Variants in PAPPA observed in about 807,000 individuals in gnomAD.
The protein encoded by PAPPA is pappalysin 1.
In PAPPA, 60 loss-of-function variants were observed where a neutral mutation model predicts 164.0. The observed-to-expected ratio is 0.37, with a 90% CI of 0.30 to 0.45. The LOEUF is 0.45. PAPPA is among the 20% of genes least tolerant of loss of function. PAPPA has a pLI of 1.00. For synonymous variants in PAPPA, 875 were observed against 814.1 expected (o/e 1.07, Z -1.27); for missense variants, 1,782 against 2,087.3 (o/e 0.85, Z 2.85).
chr9:116,211,693 T>C lies in PAPPA; in HGVS notation c.1679T>C (p.Met560Thr). ...FYGMPGHTHT[M>T]IHEIGHSLGL... Reference sequence around the variant, plus strand: ...GGCATGCCTGGGCACACCCACACCATGATCCATGAGATTGGTCACAGCCTG... The same window carrying C: ...GGCATGCCTGGGCACACCCACACCACGATCCATGAGATTGGTCACAGCCTG... The change falls in exon 4 of 22, where the codon ATG becomes ACG. Residue 560 changes from methionine (M) to threonine (T), a missense_variant. This residue lies in a region of PAPPA where 1,324 missense variants were observed against 1,656.9 expected (regional missense o/e 0.80). Coordinates refer to ENST00000328252, the MANE Select transcript of PAPPA (RefSeq NM_002581.5). 6.2e-7 allele frequency: 1 copy of C among 1,614,138 alleles called. No individual in the cohort carries two copies. The highest frequency in any genetic ancestry group is 8.5e-7 in the Non-Finnish European group (1 of 1,179,998).
rs1846519212 is a variant in PAPPA at position 116,367,655 on chromosome 9, T to C, written c.4506T>C (p.Cys1502=). The change falls in exon 19 of 22, where the codon TGT becomes TGC. Residue 1502 remains cysteine, a synonymous_variant. Transcript: ENST00000328252. The part of the protein sequence containing the change: ...CPDGYAIGSE[C]ATSCLDHNSE... The stretch of plus-strand genomic sequence containing the variant: ...CTGTACTTCCCTCAGGGTCGGAGTG[T>C]GCCACCTCGTGCCTGGACCACAACA... The C allele has an allele frequency of 6.2e-7, 1 of 1,613,574 alleles. No homozygotes were observed. Among genetic ancestry groups the C allele is most frequent in the Non-Finnish European group, 8.5e-7 (1 of 1,179,670 alleles).
At position 116,187,283 on chromosome 9, in the gene PAPPA, T is replaced by C. The variant is rs780916905; in HGVS notation, c.545T>C (p.Val182Ala). Residue 182 changes from valine (V) to alanine (A), a missense_variant, in exon 2 of 22, where the codon GTG (valine) becomes GCG (alanine). Physicochemically the swap from Val to Ala is moderately conservative, Grantham distance 64 (BLOSUM62 0). Around this residue, in one of 2 missense-constraint regions of PAPPA, gnomAD observed 458 missense variants for 430.3 expected, o/e 1.06. Coordinates refer to ENST00000328252, the MANE Select transcript of PAPPA (RefSeq NM_002581.5). This position sits in a 1 kb window ranked among gnomAD's most constrained non-coding sequence, Gnocchi z 4.2. ...FSLKTDRARQ[V>A]TTINAHRSYL... ...TTGAAGACAGACCGAGCCCGGCAAG[T>C]GACCACCATCAATGCCCACCGCAGC... is the stretch of plus-strand genomic sequence containing the variant. 1 of 1,614,172 alleles carries C rather than the reference T, an allele frequency of 6.2e-7. No individual in the cohort carries two copies. The highest frequency in any genetic ancestry group is 2.2e-5 in the East Asian group (1 of 44,882).
At chr9:116,218,588 C>T (rs1304445143) in intron 4 of PAPPA, among the ~76,000 whole-genome samples, 2 of 152,016 alleles carry the variant, frequency 1.3e-5, no homozygotes, top group East Asian at 3.9e-4. Flanking sequence ...TAGGTCACAC[C>T]CTGGAAAAGA....
chr9:116,181,020 C>T (rs550495334), intron 1 of PAPPA, among the ~76,000 whole-genome samples: 1 of 152,286 alleles, frequency 6.6e-6, no homozygotes, highest in African/African-American at 2.4e-5. Context: ...GATGAACACA[C>T]CACCAATTTT....
At chr9:116,288,231 T>C (rs1845365777) in intron 9 of PAPPA, among the ~76,000 whole-genome samples, 1 of 152,026 alleles carries the variant, frequency 6.6e-6, no homozygotes, top group South Asian at 2.1e-4. Context: ...TAGCCGAGTG[T>C]AGTGGTCCGT....
intron 5 of PAPPA, among the ~76,000 whole-genome samples, chr9:116,224,830 G>A (rs201938495): frequency 6.6e-6 from 1 of 152,158 alleles, no homozygotes; most frequent in Non-Finnish European, 1.5e-5. Context: ...TGAAACCCAA[G>A]TAAGAAAGAT....
At chr9:116,391,533 C>T (rs1846893542) in intron 21 of PAPPA, among the ~76,000 whole-genome samples, 1 of 152,212 alleles carries the variant, frequency 6.6e-6, no homozygotes, top group Non-Finnish European at 1.5e-5. Flanking sequence ...TCTCTCAGCT[C>T]TGGACAGGAT....
chr9:116,184,208 A>T (rs1189671115), intron 1 of PAPPA, among the ~76,000 whole-genome samples: 1 of 152,184 alleles, frequency 6.6e-6, no homozygotes, highest in Admixed American at 6.5e-5. Flanking sequence ...CTGGTTCCAT[A>T]ACAGGCAGCA....
chr9:116,276,167 G>A (rs1845195417), intron 9 of PAPPA, among the ~76,000 whole-genome samples: 1 of 152,198 alleles, frequency 6.6e-6, no homozygotes, highest in Non-Finnish European at 1.5e-5. Flanking sequence ...TCACAGCATT[G>A]GGAATTCTGT....
At chr9:116,258,099 G>C (rs1207724544) in intron 7 of PAPPA, among the ~76,000 whole-genome samples, 1 of 151,918 alleles carries the variant, frequency 6.6e-6, no homozygotes, top group East Asian at 1.9e-4. Flanking sequence ...TAAGTAAAAA[G>C]ATAAACTGTG....
At chr9:116,370,033 G>A (rs1329387628) in intron 19 of PAPPA, among the ~76,000 whole-genome samples, 1 of 152,172 alleles carries the variant, frequency 6.6e-6, no homozygotes, top group Non-Finnish European at 1.5e-5. Flanking sequence ...AGAGCTGCTG[G>A]TGCCAGCATT....
chr9:116,293,431 A>G lies in PAPPA; in HGVS notation c.2954-9326A>G, dbSNP rs146109388. Among the ~76,000 whole-genome samples the G allele has an allele frequency of 9.4e-3, 1,438 of 152,314 alleles. 15 individuals are homozygous for G. Among genetic ancestry groups the G allele is most frequent in the South Asian group, 0.036 (172 of 4,822 alleles). The stretch of plus-strand genomic sequence containing the variant: ...TGCAGAAAAGTGAGAGATGTCATGG[A>G]GCTGAAGTTGCTAGAACTGAATCTT... On this transcript the variant is annotated intron_variant, in intron 9 of 21. Transcript: ENST00000328252.
intron 19 of PAPPA, among the ~76,000 whole-genome samples, chr9:116,375,708 C>G (rs1846640118): frequency 6.6e-6 from 1 of 152,172 alleles, no homozygotes; most frequent in Non-Finnish European, 1.5e-5. Context: ...ACAGCCTCAC[C>G]AAGAGGCCTA....
intron 17 of PAPPA, among the ~76,000 whole-genome samples, chr9:116,356,464 TC>T (rs1399322901): frequency 2.0e-5 from 3 of 152,184 alleles, no homozygotes; most frequent in Non-Finnish European, 4.4e-5. Flanking sequence ...GTGGCGAGAA[TC>T]CCTTATGCTC....
intron 18 of PAPPA, among the ~76,000 whole-genome samples, chr9:116,364,182 G>A (rs912188497): frequency 5.3e-5 from 8 of 152,166 alleles, no homozygotes; most frequent in African/African-American, 1.2e-4. Flanking sequence ...ATAGGTGTGC[G>A]TGGTCCTGAA....
chr9:116,180,293 G>C (rs1198615525), intron 1 of PAPPA, among the ~76,000 whole-genome samples: 1 of 152,054 alleles, frequency 6.6e-6, no homozygotes, highest in Non-Finnish European at 1.5e-5. Context: ...ATGGTGGATT[G>C]AGAGCACCAA....
intron 21 of PAPPA, among the ~76,000 whole-genome samples, chr9:116,394,436 T>C (rs192538301): frequency 2.6e-5 from 4 of 152,314 alleles, no homozygotes; most frequent in Non-Finnish European, 5.9e-5. Context: ...CCAAAATCAT[T>C]CAACGAGTAT....
chr9:116,207,593 T>C lies in PAPPA; in HGVS notation c.1616T>C (p.Met539Thr). 1 of 1,612,858 alleles carries C rather than the reference T, an allele frequency of 6.2e-7. No homozygotes were observed. Among genetic ancestry groups the C allele is most frequent in the South Asian group, 1.1e-5 (1 of 90,848 alleles). The change falls in exon 3 of 22, where the codon ATG (methionine) becomes ACG (threonine). Residue 539 changes from methionine (M) to threonine (T), a missense_variant. Around this residue, in one of 2 missense-constraint regions of PAPPA, gnomAD observed 1,324 missense variants for 1,656.9 expected, o/e 0.80. Transcript: ENST00000328252. The stretch of plus-strand genomic sequence containing the variant: ...TGGCCATGGGACAAGGAGGCCCTGA[T>C]GCACTTAGGTGAGTCTTAGAAACTC... ...ATWPWDKEAL[M>T]HLGGIVLNPS...
At chr9:116,191,932 A>G (rs1462847547) in intron 2 of PAPPA, among the ~76,000 whole-genome samples, 1 of 152,020 alleles carries the variant, frequency 6.6e-6, no homozygotes, top group Non-Finnish European at 1.5e-5. Context: ...AGAGCCATTT[A>G]CCCCCTTGGC....
Sources: gnomAD v4.1 joint callset for allele counts (sites outside exome capture counted in the v4.1 genomes callset) on GRCh38, gnomAD v4.1.1 for gene constraint, gnomAD v4.1.1 regional missense constraint, Gnocchi (gnomAD v3.1) non-coding constraint, MANE v1.5 for transcripts, NCBI Gene and HGNC (gene_info 2026-07-23, HGNC 2026-07-21) for gene names.